The following GPR158 variants were observed in gnomAD, a reference collection of about 807,000 sequenced individuals.
GPR158 encodes the protein G protein-coupled receptor 158.
A neutral mutation model predicts 78.2 loss-of-function variants in GPR158; 30 were observed. That is an observed-to-expected ratio of 0.38 (90% confidence interval 0.29 to 0.52). The LOEUF is 0.52. GPR158 is among the 20% of genes least tolerant of loss of function. The pLI, the probability that GPR158 is intolerant of heterozygous loss-of-function variation, is 0.83. For missense variants in GPR158, 1,463 were observed against 1,523.5 expected (o/e 0.96, Z 0.66); for synonymous variants, 581 against 591.1 (o/e 0.98, Z 0.25).
intron 5 of GPR158, among the ~76,000 whole-genome samples, chr10:25,467,980 G>C (rs991768456): frequency 2.0e-5 from 3 of 152,036 alleles, no homozygotes; most frequent in Non-Finnish European, 4.4e-5. Flanking sequence ...CCTAGCATTA[G>C]ATATGAATTC....
intron 5 of GPR158, among the ~76,000 whole-genome samples, chr10:25,505,314 CTG>C (rs757828710): frequency 2.0e-5 from 3 of 152,182 alleles, no homozygotes; most frequent in South Asian, 2.1e-4. Context: ...AATTCTAAGA[CTG>C]TAGAATAACT....
intron 2 of GPR158, among the ~76,000 whole-genome samples, chr10:25,291,920 G>A (rs1370434370): frequency 2.0e-5 from 3 of 152,082 alleles, no homozygotes; most frequent in South Asian, 2.1e-4. Context: ...GATATCTGAT[G>A]TTTGTGCAGC....
At chr10:25,424,866 G>A (rs1834798539) in intron 4 of GPR158, among the ~76,000 whole-genome samples, 1 of 152,114 alleles carries the variant, frequency 6.6e-6, no homozygotes, top group Non-Finnish European at 1.5e-5. Context: ...TGGCAATGCG[G>A]GCTCTTTTTT....
chr10:25,567,842 T>C (rs1236609189), intron 6 of GPR158, among the ~76,000 whole-genome samples: 1 of 151,210 alleles, frequency 6.6e-6, no homozygotes, highest in Admixed American at 6.6e-5. Flanking sequence ...AGGGTGTGGA[T>C]TGAAGGTGGG....
intron 6 of GPR158, among the ~76,000 whole-genome samples, chr10:25,568,594 CCAAGTA>C (rs1326056437): frequency 6.6e-6 from 1 of 152,050 alleles, no homozygotes; most frequent in African/African-American, 2.4e-5. Context: ...CATGGATAAC[CCAAGTA>C]CAAGTTCTTA....
intron 1 of GPR158, among the ~76,000 whole-genome samples, chr10:25,212,205 C>G (rs1853140805): frequency 6.6e-6 from 1 of 152,124 alleles, no homozygotes; most frequent in Non-Finnish European, 1.5e-5. Flanking sequence ...AGAGGTTTAA[C>G]TGGCTCACAG....
intron 5 of GPR158, among the ~76,000 whole-genome samples, chr10:25,479,497 C>T (rs1835633569): frequency 6.6e-6 from 1 of 152,034 alleles, no homozygotes; most frequent in African/African-American, 2.4e-5. Flanking sequence ...TCACTGCAAC[C>T]TGTGCCTCCC....
intron 3 of GPR158, among the ~76,000 whole-genome samples, chr10:25,403,864 A>G (rs1834477125): frequency 6.6e-6 from 1 of 152,030 alleles, no homozygotes; most frequent in African/African-American, 2.4e-5. Flanking sequence ...TATTCTTTTG[A>G]GAGAGCACTT....
intron 5 of GPR158, among the ~76,000 whole-genome samples, chr10:25,527,280 T>C (rs1424162309): frequency 2.0e-5 from 3 of 152,128 alleles, no homozygotes; most frequent in Admixed American, 1.3e-4. Flanking sequence ...CTAATTGATA[T>C]ACACAAAACT....
chr10:25,241,834 G>A (rs1853632953), intron 2 of GPR158, among the ~76,000 whole-genome samples: 1 of 152,178 alleles, frequency 6.6e-6, no homozygotes, highest in Non-Finnish European at 1.5e-5. Context: ...ATTTGGTACA[G>A]CTGAATTCTC....
chr10:25,406,198 C>A (rs1041388041), intron 3 of GPR158, among the ~76,000 whole-genome samples: 1 of 152,124 alleles, frequency 6.6e-6, no homozygotes, highest in Non-Finnish European at 1.5e-5. Context: ...GCTTGCTCAG[C>A]CCTTGCCCAG....
intron 4 of GPR158, among the ~76,000 whole-genome samples, chr10:25,462,825 C>G (rs954901915): frequency 1.3e-5 from 2 of 152,170 alleles, no homozygotes; most frequent in African/African-American, 4.8e-5. Flanking sequence ...TATGGATGAG[C>G]AAACAAGTAG....
chr10:25,476,043 T>A (rs1466421276), intron 5 of GPR158: 4 of 152,144 alleles, frequency 2.6e-5, no homozygotes, highest in Non-Finnish European at 4.4e-5. Context: ...TTATCATCAT[T>A]GTGCAGATGA....
intron 2 of GPR158, among the ~76,000 whole-genome samples, chr10:25,336,535 C>T (rs2130499315): frequency 6.6e-6 from 1 of 152,104 alleles, no homozygotes; most frequent in East Asian, 1.9e-4. Flanking sequence ...GTGCAATCTC[C>T]TATTCCCTGG....
Position 25,260,645 on chromosome 10 carries a change from C to T in GPR158, c.1008+39488C>T, listed in dbSNP as rs189296316. Among the ~76,000 whole-genome samples, 635 of 152,056 alleles carry T rather than the reference C, an allele frequency of 4.2e-3. 4 individuals are homozygous for T. Among genetic ancestry groups the T allele is most frequent in the African/African-American group, 0.014 (593 of 41,520 alleles). Reference sequence around the variant, plus strand: ...CTCATTTTATGTTCTTAGGATGTCACCCTTTGAAAGCGCTGGGTTTAAGGG... The same window carrying T: ...CTCATTTTATGTTCTTAGGATGTCATCCTTTGAAAGCGCTGGGTTTAAGGG... On this transcript the variant is annotated intron_variant, in intron 2 of 10. Coordinates refer to ENST00000376351, the MANE Select transcript of GPR158 (RefSeq NM_020752.3).
chr10:25,342,247 T>TTA (rs1433258582), intron 2 of GPR158, among the ~76,000 whole-genome samples: 12 of 151,118 alleles, frequency 7.9e-5, no homozygotes, highest in African/African-American at 2.4e-4. Context: ...ACTGTTTTAT[T>TTA]TTTTTTTTAG....
chr10:25,564,411 G>A (rs1174179918), intron 6 of GPR158, among the ~76,000 whole-genome samples: 2 of 152,000 alleles, frequency 1.3e-5, no homozygotes, highest in Non-Finnish European at 2.9e-5. Flanking sequence ...CAATCTTTTT[G>A]TTTAGTCGAT....
At chr10:25,510,037 T>C (rs1836063032) in intron 5 of GPR158, among the ~76,000 whole-genome samples, 1 of 152,180 alleles carries the variant, frequency 6.6e-6, no homozygotes, top group East Asian at 1.9e-4. Context: ...ATGGCTTAAC[T>C]TCCAAAGTCC....
At chr10:25,493,067 G>C (rs1394348719) in intron 5 of GPR158, among the ~76,000 whole-genome samples, 4 of 152,076 alleles carry the variant, frequency 2.6e-5, no homozygotes, top group Non-Finnish European at 5.9e-5. Context: ...TGCAATTTAA[G>C]AGAAAACCAC....
Sources: allele counts gnomAD v4.1 joint callset (sites outside exome capture counted in the v4.1 genomes callset), GRCh38; gene constraint gnomAD v4.1.1; transcripts MANE v1.5; gene names NCBI Gene and HGNC (gene_info 2026-07-23, HGNC 2026-07-21).